CPLANE1: variants seen among roughly 807,000 people sequenced by gnomAD.
CPLANE1 encodes ciliogenesis and planar polarity effector 1.
Under a neutral mutation model 362.5 loss-of-function variants are expected in CPLANE1, and 263 were observed. The ratio of observed to expected loss-of-function variants is 0.73; its 90% CI spans 0.66 to 0.80. The LOEUF (loss-of-function observed/expected upper bound fraction) is 0.80, where lower values mean the gene tolerates loss of function less well. CPLANE1 is among the 30% of genes least tolerant of loss of function. The pLI is 0.00. For synonymous variants in CPLANE1, 1,212 were observed against 1,302.6 expected (o/e 0.93, Z 1.50); for missense variants, 3,461 against 3,793.4 (o/e 0.91, Z 2.30).
rs776120264 is a variant in CPLANE1 at position 37,185,081 on chromosome 5, T to C, written c.4190-2A>G. 6.3e-7 allele frequency: 1 copy of C among 1,591,224 alleles called. No homozygotes were observed. The highest frequency in any genetic ancestry group is 1.1e-5 in the South Asian group (1 of 87,266). On this transcript the variant is annotated splice_acceptor_variant, in intron 24 of 52. Coordinates refer to ENST00000651892, the MANE Select transcript of CPLANE1 (RefSeq NM_001384732.1). LOFTEE classifies it high-confidence loss of function. ...ACATCATTTCCTCAGTCTGGGGTCC[T>C]GGAAAGAAAAGAATAAAAAGTCTTA...
chr5:37,202,159 T>C (rs1301069981), intron 18 of CPLANE1, among the ~76,000 whole-genome samples: 1 of 127,920 alleles, frequency 7.8e-6, no homozygotes, highest in Non-Finnish European at 1.6e-5. Flanking sequence ...TAACTTTTCC[T>C]TTTTTTTTTT....
chr5:37,171,753 T>A (rs905947218), intron 32 of CPLANE1, among the ~76,000 whole-genome samples: 2 of 146,918 alleles, frequency 1.4e-5, no homozygotes, highest in African/African-American at 5.1e-5. Context: ...TTACTCTCTC[T>A]CTCTCTCTCT....
At chr5:37,222,531 C>T (rs1795576996) in intron 14 of CPLANE1, among the ~76,000 whole-genome samples, 1 of 152,234 alleles carries the variant, frequency 6.6e-6, no homozygotes, top group Admixed American at 6.5e-5. Flanking sequence ...AGGAAAGCCA[C>T]TCTTTCTCTG....
At chr5:37,226,171 A>G (rs1796439145) in intron 12 of CPLANE1, 133 bp downstream of exon 12, 2 of 600,880 alleles carry the variant, frequency 3.3e-6, no homozygotes. Context: ...ACAACCTTAT[A>G]AATATACTAA....
chr5:37,215,682 C>A (rs985052465), intron 15 of CPLANE1, among the ~76,000 whole-genome samples: 1 of 150,054 alleles, frequency 6.7e-6, no homozygotes, highest in African/African-American at 2.5e-5. Flanking sequence ...GACCCAGGCA[C>A]GACAGCCTTG....
In CPLANE1 at chr5:37,139,312, A is replaced by G. The variant is rs549577990; in HGVS notation, c.8663+28T>C. The stretch of plus-strand genomic sequence containing the variant: ...CTATCTACACCCAACTTTAAAGAAA[A>G]TTGTGAATTAACTCTTAAGATATTT... On this transcript the variant is annotated intron_variant, in intron 45 of 52. Transcript: ENST00000651892. 1.0e-5 allele frequency: 14 copies of G among 1,377,448 alleles called. No individual in the cohort carries two copies. In the South Asian group the frequency reaches 1.9e-4, roughly 19 times the overall value. The allele number at this position is 1,377,448 out of a possible 1,614,324, so 85.3% of individuals were successfully genotyped here. A position where few individuals can be genotyped will look rare whatever the true frequency, so the allele number is the denominator to read the frequency against.
chr5:37,202,900 C>A (rs190115200), intron 18 of CPLANE1, among the ~76,000 whole-genome samples: 8 of 151,044 alleles, frequency 5.3e-5, no homozygotes, highest in African/African-American at 1.9e-4. Flanking sequence ...AAATCTATGT[C>A]CCTATCTATT....
intron 15 of CPLANE1, among the ~76,000 whole-genome samples, chr5:37,218,842 G>C (rs1420654678): frequency 1.3e-5 from 2 of 151,734 alleles, no homozygotes; most frequent in African/African-American, 4.8e-5. Context: ...CAGCTACTCG[G>C]GAGGCTGAGG....
chr5:37,126,621 T>A lies in CPLANE1; in HGVS notation c.8793-1212A>T, dbSNP rs566429677. ...CCCAGTAAATCTCTTCTACAGCTAA[T>A]CCAACCTTAGCTTCTGCTTCTTGGA... On this transcript the variant is annotated intron_variant, in intron 46 of 52. Transcript: ENST00000651892. 3.2e-3 allele frequency among the ~76,000 whole-genome samples: 482 copies of A among 152,288 alleles called. 1 individual carries two copies. The highest frequency in any genetic ancestry group is 5.3e-3 in the Non-Finnish European group (362 of 68,018).
intron 9 of CPLANE1, among the ~76,000 whole-genome samples, chr5:37,229,142 G>A (rs1244561042): frequency 4.9e-5 from 7 of 141,918 alleles, no homozygotes; most frequent in Non-Finnish European, 9.3e-5. Context: ...TCTTGAACAC[G>A]GGAGGTGGTG....
At chr5:37,174,783 C>T (rs1780707317) in intron 31 of CPLANE1, among the ~76,000 whole-genome samples, 3 of 152,122 alleles carry the variant, frequency 2.0e-5, no homozygotes, top group South Asian at 2.1e-4. Flanking sequence ...TGCCTTTTAT[C>T]GAGCATCTTA....
chr5:37,140,180 G>C, intron 44 of CPLANE1: 1 of 868,874 alleles, frequency 1.2e-6, no homozygotes, highest in South Asian at 5.3e-5. Flanking sequence ...TCTTCTATAT[G>C]TTTAATTCTA....
At chr5:37,110,836 C>T (rs1460836865) in intron 51 of CPLANE1, among the ~76,000 whole-genome samples, 1 of 127,938 alleles carries the variant, frequency 7.8e-6, no homozygotes, top group Non-Finnish European at 1.6e-5. Context: ...GAGATGGAGT[C>T]TCACTCTGTC....
chr5:37,197,581 C>G (rs1234032826), intron 20 of CPLANE1, among the ~76,000 whole-genome samples: 1 of 152,158 alleles, frequency 6.6e-6, no homozygotes, highest in African/African-American at 2.4e-5. Context: ...CTAGCTGAAC[C>G]ACCCTGTGGT....
the CPLANE1 span, among the ~76,000 whole-genome samples, chr5:37,079,298 A>G: frequency 6.6e-6 from 1 of 152,168 alleles, no homozygotes; most frequent in African/African-American, 2.4e-5. Context: ...AGCACCATTG[A>G]TTAAATAGGG....
At chr5:37,094,192 T>C in the CPLANE1 span, among the ~76,000 whole-genome samples, 1 of 152,200 alleles carries the variant, frequency 6.6e-6, no homozygotes, top group African/African-American at 2.4e-5. Flanking sequence ...CTTGGCCAGA[T>C]TGACAAGCAT....
chr5:37,221,311 A>G lies in CPLANE1; in HGVS notation c.2746+13T>C. On this transcript the variant is annotated intron_variant, in intron 15 of 52. Coordinates refer to ENST00000651892, the MANE Select transcript of CPLANE1 (RefSeq NM_001384732.1). ...CTTTTTAAAAATACAAAGAAAGAAA[A>G]AAAAAAGCATACCTGAAAAATCTTT... 3 of 1,482,610 alleles carry G rather than the reference A, an allele frequency of 2.0e-6. No individual in the cohort carries two copies. Among genetic ancestry groups the G allele is most frequent in the Middle Eastern group, 1.8e-4 (1 of 5,658 alleles). The allele number at this position is 1,482,610 out of a possible 1,614,324, so 91.8% of individuals were successfully genotyped here. A position where few individuals can be genotyped will look rare whatever the true frequency, so the allele number is the denominator to read the frequency against.
intron 43 of CPLANE1, among the ~76,000 whole-genome samples, chr5:37,146,120 T>C (rs928764821): frequency 1.3e-5 from 2 of 151,980 alleles, no homozygotes; most frequent in African/African-American, 4.8e-5. Flanking sequence ...AAGAGACTTA[T>C]AAGCCATCAA....
intron 45 of CPLANE1, 129 bp downstream of exon 45, chr5:37,139,211 A>G: frequency 3.3e-6 from 3 of 904,034 alleles, no homozygotes; most frequent in Non-Finnish European, 3.2e-6. Context: ...TCCATACCCA[A>G]TGAAAACTTA....
Sources: gnomAD v4.1 joint callset for allele counts (sites outside exome capture counted in the v4.1 genomes callset) on GRCh38, gnomAD v4.1.1 for gene constraint, MANE v1.5 for transcripts, NCBI Gene and HGNC (gene_info 2026-07-23, HGNC 2026-07-21) for gene names.